CCL5: variants seen among roughly 807,000 people sequenced by gnomAD.
The protein encoded by CCL5 is C-C motif chemokine 5.
In CCL5, 5 loss-of-function variants were observed where a neutral mutation model predicts 9.0. The observed-to-expected ratio is 0.55, with a 90% CI of 0.29 to 1.16. The LOEUF (loss-of-function observed/expected upper bound fraction) is 1.16. Among genes scored for constraint, CCL5 ranks in the 50% most tolerant of loss-of-function variants. CCL5 has a pLI of 0.08. For synonymous variants in CCL5, 66 were observed against 72.0 expected, an observed-to-expected ratio of 0.92 and a Z score of 0.42; for missense variants, 183 against 183.2, an observed-to-expected ratio of 1.00 and a Z score of 0.01.
intron 3 of CCL5, among the ~76,000 whole-genome samples, chr17:35,873,394 A>C (rs747784922): frequency 6.7e-6 from 1 of 149,896 alleles, no homozygotes; most frequent in Admixed American, 6.6e-5. Flanking sequence ...TCACTGTGTT[A>C]GCCAGGATGG....
chr17:35,878,483 C>T (rs749186616), intron 2 of CCL5, 45 bp downstream of exon 2: 10 of 1,382,482 alleles, frequency 7.2e-6, no homozygotes, highest in African/African-American at 7.1e-5. Flanking sequence ...CAGAGGACTC[C>T]TCAGGGAACA....
At chr17:35,872,535 G>T in intron 3 of CCL5, 71 bp from the exon 3 acceptor site, 1 of 1,239,850 alleles carries the variant, frequency 8.1e-7, no homozygotes, top group Non-Finnish European at 1.2e-6. Flanking sequence ...GGGGGATGAA[G>T]TGGATTAAGG....
chr17:35,880,146 G>A (rs1432835552), intron 1 of CCL5, 84 bp downstream of exon 1: 2 of 1,013,326 alleles, frequency 2.0e-6, no homozygotes, highest in Non-Finnish European at 3.1e-6. Context: ...AAGAGGGCAA[G>A]GTGTGGGACA....
chr17:35,878,333 G>C (rs907683417), intron 2 of CCL5, among the ~76,000 whole-genome samples, 195 bp downstream of exon 2: 3 of 140,682 alleles, frequency 2.1e-5, no homozygotes, highest in African/African-American at 7.9e-5. Flanking sequence ...TGGGAACATA[G>C]TCCATTGGAG....
In CCL5 at chr17:35,880,249, A is replaced by C; in HGVS notation, c.57T>G (p.Ala19=). 2 of 1,613,922 alleles carry C rather than the reference A, an allele frequency of 1.2e-6. No individual in the cohort carries two copies. The highest frequency in any genetic ancestry group is 2.2e-5 in the South Asian group (2 of 90,994). Residue 19 remains alanine (A), a synonymous_variant, in exon 1 of 4, where the codon GCT becomes GCG. Coordinates refer to ENST00000651122, the MANE Select transcript of CCL5 (RefSeq NM_001278736.2). ...ACTTACATGGGGAGGCAGATGCAGGAGCGCAGAGGGCAGTAGCAATGAGGA... is the reference window on the plus strand; with the variant it reads ...ACTTACATGGGGAGGCAGATGCAGGCGCGCAGAGGGCAGTAGCAATGAGGA...
chr17:35,880,176 C>T (rs1227799519), intron 1 of CCL5, 54 bp downstream of exon 1: 27 of 1,422,908 alleles, frequency 1.9e-5, no homozygotes, highest in Non-Finnish European at 2.0e-6. Context: ...ATGGGGTAGG[C>T]ATTCTAGGCA....
rs149566777 is a variant in CCL5, at chr17:35,878,322, C to T, written c.188+206G>A. Among the ~76,000 whole-genome samples, 16 of 146,518 alleles carry T rather than the reference C, an allele frequency of 1.1e-4. No individual in the cohort carries two copies. The East Asian group carries it at 3.1e-3, about 28-fold the overall frequency. ...AAAAAAAAAAAAAAAGATTGGAGTC[C>T]TGGGAACATAGTCCATTGGAGTGGG... On this transcript the variant is annotated intron_variant, in intron 2 of 3. Transcript: ENST00000651122.
chr17:35,872,426 G>T lies in CCL5; in HGVS notation c.309C>A (p.Pro103=), dbSNP rs2088382169. Residue 103 remains proline (P), a synonymous_variant, in exon 4 of 4, where the codon CCC becomes CCA. Coordinates refer to ENST00000651122, the MANE Select transcript of CCL5 (RefSeq NM_001278736.2). ...GTACTCCCGAACCCATTTCTTCTCTGGGTTGGCACACACTTGGCGGTTCTT... is the reference window on the plus strand; with the variant it reads ...GTACTCCCGAACCCATTTCTTCTCTTGGTTGGCACACACTTGGCGGTTCTT... 1.7e-5 allele frequency: 27 copies of T among 1,613,880 alleles called. No homozygotes were observed. The highest frequency in any genetic ancestry group is 2.3e-5 in the Non-Finnish European group (27 of 1,180,008).
chr17:35,873,581 G>A (rs1237153274), intron 3 of CCL5, among the ~76,000 whole-genome samples: 1 of 152,214 alleles, frequency 6.6e-6, no homozygotes, highest in African/African-American at 2.4e-5. Context: ...GTGGGTGAAC[G>A]AAAGATGGGC....
intron 1 of CCL5, 52 bp from the exon 2 acceptor site, chr17:35,878,691 C>G (rs746508322): frequency 2.9e-6 from 3 of 1,017,086 alleles, no homozygotes; most frequent in African/African-American, 3.2e-5. Flanking sequence ...CTACTGCACA[C>G]TTGACATTGT....
chr17:35,878,844 G>A (rs946167702), intron 1 of CCL5, among the ~76,000 whole-genome samples: 1 of 152,182 alleles, frequency 6.6e-6, no homozygotes, highest in African/African-American at 2.4e-5. Flanking sequence ...CTTGAGCCAA[G>A]CTTGTATCCA....
Position 35,872,312 on chromosome 17 carries a change from A to C in CCL5, c.423T>G (p.Ala141=). ...TAGGATAGTGAGGGGAAGCCTCCCA[A>C]GCTAGGACAAGAGCAAGCAGAAACA... The change falls in exon 4 of 4, where the codon GCT becomes GCG. Residue 141 remains alanine (A), a synonymous_variant. Coordinates refer to ENST00000651122, the MANE Select transcript of CCL5 (RefSeq NM_001278736.2). 6.2e-7 allele frequency: 1 copy of C among 1,605,202 alleles called. No homozygotes were observed. Among genetic ancestry groups the C allele is most frequent in the Non-Finnish European group, 8.5e-7 (1 of 1,173,536 alleles).
intron 1 of CCL5, among the ~76,000 whole-genome samples, chr17:35,879,417 G>A (rs932949738): frequency 2.2e-4 from 34 of 152,150 alleles, no homozygotes; most frequent in Non-Finnish European, 4.1e-4. Flanking sequence ...GGCGGATCAC[G>A]AGGTCAAGAG....
At position 35,872,362 on chromosome 17, in the gene CCL5, C is replaced by A; in HGVS notation, c.373G>T (p.Glu125Ter). The stretch of plus-strand genomic sequence containing the variant: ...AGGCAAATTTGTGTAAGTTCAGGTT[C>A]AAGGACTCTCCATCCTAGCTCATCT... The change falls in exon 4 of 4, where the codon GAA becomes TAA. Residue 125 changes from glutamate to a stop codon, truncating the protein, a stop_gained. Coordinates refer to ENST00000651122, the MANE Select transcript of CCL5 (RefSeq NM_001278736.2). LOFTEE classifies it low-confidence loss of function (END_TRUNC). 1 of 1,613,312 alleles carries A rather than the reference C, an allele frequency of 6.2e-7. No individual in the cohort carries two copies. The highest frequency in any genetic ancestry group is 8.5e-7 in the Non-Finnish European group (1 of 1,179,638).
At chr17:35,873,916 C>G (rs945619577) in intron 3 of CCL5, among the ~76,000 whole-genome samples, 1 of 152,048 alleles carries the variant, frequency 6.6e-6, no homozygotes, top group Non-Finnish European at 1.5e-5. Context: ...AAGTAACCAG[C>G]CAGAATGTGG....
chr17:35,877,535 C>A (rs1440322148), intron 2 of CCL5, among the ~76,000 whole-genome samples: 3 of 152,198 alleles, frequency 2.0e-5, no homozygotes, highest in Non-Finnish European at 4.4e-5. Context: ...GACTTCATCC[C>A]TCATTTACTG....
intron 3 of CCL5, among the ~76,000 whole-genome samples, chr17:35,872,816 C>T (rs2088389089): frequency 6.6e-6 from 1 of 152,124 alleles, no homozygotes; most frequent in African/African-American, 2.4e-5. Flanking sequence ...GTGCTGGGTG[C>T]TTAAGATGCA....
Position 35,878,594 on chromosome 17 carries a change from G to T in CCL5, c.122C>A (p.Pro41Gln). The T allele has an allele frequency of 1.2e-6, 2 of 1,614,006 alleles. No individual in the cohort carries two copies. The highest frequency in any genetic ancestry group is 1.7e-6 in the Non-Finnish European group (2 of 1,179,950). The stretch of plus-strand genomic sequence containing the variant: ...CTCCTTGATGTGGGCACGGGGCAGT[G>T]GGCGGGCAATGTAGGCAAAGCAGCA... Residue 41 changes from proline (P) to glutamine (Q), a missense_variant, in exon 2 of 4, where the codon CCA becomes CAA. Physicochemically the swap from Pro to Gln is moderately conservative, Grantham distance 76 (BLOSUM62 -1). Transcript: ENST00000651122.
Position 35,873,464 on chromosome 17 carries a change from G to A in CCL5, c.271-1000C>T, listed in dbSNP as rs2088402978. On this transcript the variant is annotated intron_variant, in intron 3 of 3. Coordinates refer to ENST00000651122, the MANE Select transcript of CCL5 (RefSeq NM_001278736.2). ...GGCCTCCCAAAGTGCTGGGATTACA[G>A]GCATGAGCCACCGCGCCTGGCCGAG... Among the ~76,000 whole-genome samples the A allele has an allele frequency of 1.3e-5, 2 of 152,212 alleles. 1 individual carries two copies. Among genetic ancestry groups the A allele is most frequent in the South Asian group, 4.1e-4 (2 of 4,828 alleles).
Sources: allele counts gnomAD v4.1 joint callset (sites outside exome capture counted in the v4.1 genomes callset), GRCh38; gene constraint gnomAD v4.1.1; transcripts MANE v1.5; gene names NCBI Gene and HGNC (gene_info 2026-07-23, HGNC 2026-07-21).